The following CCDC92B variants were observed in gnomAD, a reference collection of about 807,000 sequenced individuals.
CCDC92B encodes coiled-coil domain-containing 92B.
Under a neutral mutation model 5.6 loss-of-function variants are expected in CCDC92B, and 2 were observed. That is an observed-to-expected ratio of 0.36 (90% CI 0.15 to 1.12). CCDC92B has a LOEUF of 1.12. Ranked by LOEUF, CCDC92B falls within the 50% of genes most tolerant of loss-of-function variation. The pLI is 0.40. For missense variants in CCDC92B, 271 were observed against 262.2 expected, an observed-to-expected ratio of 1.03 and a Z score of -0.23; for synonymous variants, 115 against 122.3, an observed-to-expected ratio of 0.94 and a Z score of 0.39.
intron 2 of CCDC92B, among the ~76,000 whole-genome samples, chr17:2,733,484 C>CCCGACCTCAGGTGATCCG (rs540223179): frequency 0.017 from 2,552 of 152,118 alleles, 75 homozygotes; most frequent in African/African-American, 0.058. Context: ...GTCTCGAACT[C>CCCGACCTCAGGTGATCCG]CCGACCTCAG....
In CCDC92B at chr17:2,724,625, T is replaced by C. The variant is rs2151736014; in HGVS notation, c.554A>G (p.Lys185Arg). 1 of 981,404 alleles carries C rather than the reference T, an allele frequency of 1.0e-6. No individual in the cohort carries two copies. The highest frequency in any genetic ancestry group is 5.2e-4 in the Middle Eastern group (1 of 1,912). The allele number at this position is 981,404 out of a possible 1,614,324, so 60.8% of individuals were successfully genotyped here. A position where few individuals can be genotyped will look rare whatever the true frequency, so the allele number is the denominator to read the frequency against. Residue 185 changes from lysine (K) to arginine (R), a missense_variant, in exon 4 of 4, where the codon AAG (lysine) becomes AGG (arginine). Coordinates refer to ENST00000614400, the MANE Select transcript of CCDC92B (RefSeq NM_001355573.2). The surrounding 1 kb of genome is among the most constrained non-coding windows in gnomAD (Gnocchi z 5.0). ...RPPAAHEAAAKGPGRDWAAWD... is the reference protein window; with the variant it reads ...RPPAAHEAAARGPGRDWAAWD... ...GGCGGCCCAGTCCCGGCCGGGGCCC[T>C]TGGCGGCGGCCTCGTGGGCAGCAGG... is the stretch of plus-strand genomic sequence containing the variant.
chr17:2,736,830 A>C (rs1472459079), intron 1 of CCDC92B, among the ~76,000 whole-genome samples: 6 of 151,628 alleles, frequency 4.0e-5, no homozygotes, highest in Admixed American at 4.0e-4. Context: ...CCAATGAGCC[A>C]ACATTGCACC....
chr17:2,725,677 T>TGCA (rs1234549840), intron 3 of CCDC92B, among the ~76,000 whole-genome samples: 1 of 151,874 alleles, frequency 6.6e-6, no homozygotes, highest in African/African-American at 2.4e-5. Flanking sequence ...TGAAGCTTAT[T>TGCA]GCATAGTGGG....
Position 2,730,688 on chromosome 17 carries a change from T to TC in CCDC92B, c.131-196dup, listed in dbSNP as rs1282082987. Among the ~76,000 whole-genome samples, 7 of 152,176 alleles carry TC rather than the reference T, an allele frequency of 4.6e-5. 1 individual carries two copies. The East Asian group carries it at 1.2e-3, about 25-fold the overall frequency. ...CAAGGGAAAGAGATGAAGAGATGTG[T>TC]CCAGGGCACAGCCTGAACCTGGCCA... On this transcript the variant is annotated intron_variant, in intron 2 of 3. Transcript: ENST00000614400.
intron 1 of CCDC92B, among the ~76,000 whole-genome samples, chr17:2,738,691 C>T (rs1218111859): frequency 2.7e-5 from 4 of 149,942 alleles, no homozygotes; most frequent in South Asian, 2.1e-4. Context: ...ACCCGGGAGG[C>T]GGAGCTTGCA....
At position 2,723,949 on chromosome 17, in the gene CCDC92B, G is replaced by A. The variant is rs1013608322; in HGVS notation, c.*462C>T. The A allele has an allele frequency of 4.1e-6, 4 of 982,170 alleles. No individual in the cohort carries two copies. Among genetic ancestry groups the A allele is most frequent in the Non-Finnish European group, 4.8e-6 (4 of 828,228 alleles). The allele number at this position is 982,170 out of a possible 1,614,324, so 60.8% of individuals were successfully genotyped here. On this transcript the variant is annotated 3_prime_UTR_variant, in exon 4 of 4. Coordinates refer to ENST00000614400, the MANE Select transcript of CCDC92B (RefSeq NM_001355573.2). The stretch of plus-strand genomic sequence containing the variant: ...TCCTGGGGAGGAAGAAGGCTTGGCG[G>A]GAAGGGCGTCGGCGCGGGGGTGGGG...
intron 1 of CCDC92B, among the ~76,000 whole-genome samples, chr17:2,735,678 G>A (rs1054380213): frequency 3.9e-5 from 6 of 152,112 alleles, no homozygotes; most frequent in African/African-American, 7.2e-5. Context: ...AGATCCATCC[G>A]CCTTGGCCTC....
intron 1 of CCDC92B, among the ~76,000 whole-genome samples, chr17:2,743,425 C>T (rs140700245): frequency 7.2e-5 from 11 of 152,298 alleles, no homozygotes; most frequent in African/African-American, 2.2e-4. Flanking sequence ...AGCGAGACTC[C>T]GTCTCAAAAC....
At chr17:2,744,802 T>C (rs2070966979) in intron 1 of CCDC92B, among the ~76,000 whole-genome samples, 1 of 152,114 alleles carries the variant, frequency 6.6e-6, no homozygotes, top group African/African-American at 2.4e-5. Flanking sequence ...GGCTCATGCC[T>C]ATAATCCCAG....
intron 2 of CCDC92B, among the ~76,000 whole-genome samples, chr17:2,732,133 G>A (rs2070800595): frequency 6.6e-6 from 1 of 152,200 alleles, no homozygotes. Context: ...CGTGTGAGCA[G>A]TTCTTATCAA....
Position 2,724,138 on chromosome 17 carries a change from A to G in CCDC92B, c.*273T>C. 1 of 983,864 alleles carries G rather than the reference A, an allele frequency of 1.0e-6. No homozygotes were observed. Among genetic ancestry groups the G allele is most frequent in the Non-Finnish European group, 1.2e-6 (1 of 829,470 alleles). The allele number at this position is 983,864 out of a possible 1,614,324, so 60.9% of individuals were successfully genotyped here. On this transcript the variant is annotated 3_prime_UTR_variant, in exon 4 of 4. Coordinates refer to ENST00000614400, the MANE Select transcript of CCDC92B (RefSeq NM_001355573.2). The surrounding 1 kb of genome is among the most constrained non-coding windows in gnomAD (Gnocchi z 5.0). ...TCTCACAGGCAGGTGGGACCAGGCC[A>G]GGATCGGGACGGCGAGTCCTCTCGG...
rs1049864566 is a variant in CCDC92B, at chr17:2,738,621, G to A, written c.-23-3453C>T. ...TAAAAATATAAAAAATTAGCCGGGT[G>A]TGGTGGCGGGCGCCTGTAGTCCCAG... On this transcript the variant is annotated intron_variant, in intron 1 of 3. Coordinates refer to ENST00000614400, the MANE Select transcript of CCDC92B (RefSeq NM_001355573.2). Among the ~76,000 whole-genome samples, 4 of 151,492 alleles carry A rather than the reference G, an allele frequency of 2.6e-5. No individual in the cohort carries two copies. The East Asian group carries it at 5.9e-4, about 22-fold the overall frequency.
chr17:2,746,092 C>T (rs971536920), intron 1 of CCDC92B, among the ~76,000 whole-genome samples: 11 of 152,064 alleles, frequency 7.2e-5, no homozygotes, highest in Non-Finnish European at 1.6e-4. Flanking sequence ...AGCGATTCTC[C>T]TGCCTCAGCC....
chr17:2,733,502 G>A (rs1020655000), intron 2 of CCDC92B, among the ~76,000 whole-genome samples: 10 of 151,576 alleles, frequency 6.6e-5, no homozygotes, highest in East Asian at 2.0e-4. Context: ...CAGGTGATCC[G>A]CCCGCCTCAG....
At chr17:2,733,988 G>A (rs2070829827) in intron 2 of CCDC92B, among the ~76,000 whole-genome samples, 1 of 151,684 alleles carries the variant, frequency 6.6e-6, no homozygotes, top group Non-Finnish European at 1.5e-5. Flanking sequence ...TTGAACTCCT[G>A]ACCTCAGGTG....
intron 2 of CCDC92B, among the ~76,000 whole-genome samples, chr17:2,734,359 C>T (rs1169022522): frequency 6.6e-6 from 1 of 152,106 alleles, no homozygotes; most frequent in African/African-American, 2.4e-5. Context: ...TTCTGCTCTA[C>T]CTTAATACCA....
intron 3 of CCDC92B, among the ~76,000 whole-genome samples, chr17:2,726,806 G>GGT (rs2070736662): frequency 6.6e-6 from 1 of 151,472 alleles, no homozygotes; most frequent in Non-Finnish European, 1.5e-5. Flanking sequence ...TTACAGATGA[G>GGT]GTTTCACCAT....
chr17:2,736,096 T>G (rs2070854354), intron 1 of CCDC92B, among the ~76,000 whole-genome samples: 1 of 152,168 alleles, frequency 6.6e-6, no homozygotes, highest in African/African-American at 2.4e-5. Context: ...TCACTAACAC[T>G]GACTCTGGGC....
intron 1 of CCDC92B, among the ~76,000 whole-genome samples, chr17:2,747,570 T>C (rs2071001707): frequency 1.3e-5 from 2 of 151,968 alleles, no homozygotes; most frequent in Non-Finnish European, 2.9e-5. Flanking sequence ...CTACTAAAAA[T>C]ACAAAAATTA....
Sources: gnomAD v4.1 joint callset for allele counts (sites outside exome capture counted in the v4.1 genomes callset) on GRCh38, gnomAD v4.1.1 for gene constraint, Gnocchi (gnomAD v3.1) non-coding constraint, MANE v1.5 for transcripts, NCBI Gene and HGNC (gene_info 2026-07-23, HGNC 2026-07-21) for gene names.